The following SLC38A3 variants were observed in gnomAD, a reference collection of about 807,000 sequenced individuals.
SLC38A3 encodes solute carrier family 38 member 3.
In SLC38A3, 17 loss-of-function variants were observed where a neutral mutation model predicts 59.5. The observed-to-expected ratio is 0.29, with a 90% CI of 0.20 to 0.43. The LOEUF (loss-of-function observed/expected upper bound fraction) is 0.43. SLC38A3 is among the 20% of genes least tolerant of loss of function. The pLI is 1.00. For synonymous variants in SLC38A3, 238 were observed against 260.3 expected (o/e 0.91, Z 0.82); for missense variants, 454 against 653.9 (o/e 0.69, Z 3.33).
At chr3:50,209,648 CAA>C (rs113482440) in intron 1 of SLC38A3, among the ~76,000 whole-genome samples, 1 of 114,922 alleles carries the variant, frequency 8.7e-6, no homozygotes, top group Admixed American at 9.0e-5. Flanking sequence ...GACTCCGTCT[CAA>C]AAAAAAAAAA....
intron 1 of SLC38A3, among the ~76,000 whole-genome samples, chr3:50,213,579 C>T (rs1354763561): frequency 6.6e-6 from 1 of 152,226 alleles, no homozygotes; most frequent in Non-Finnish European, 1.5e-5. Flanking sequence ...ACAGAGGGCT[C>T]TTTGTTCTGG....
In SLC38A3 at chr3:50,207,947, C is replaced by T. The variant is rs896037658; in HGVS notation, c.-52+2599C>T. 4 of 152,384 alleles carry T rather than the reference C, an allele frequency of 2.6e-5. No individual in the cohort carries two copies. In the South Asian group the frequency reaches 8.3e-4, roughly 32 times the overall value. 9.4% of individuals were successfully genotyped at this position (152,384 alleles called of 1,614,324 possible). ...TCACTCCGACTGACCATCATCTCCA[C>T]ATGTATTTTCCATTGCTCAGGTAGA... On this transcript the variant is annotated intron_variant, in intron 1 of 15. Transcript: ENST00000614032.
Position 50,215,315 on chromosome 3 carries a change from C to T in SLC38A3, c.300-71C>T. ...CCTCCACCCCCAGGCCTCCCAGAGC[C>T]CCTCACCCTCTGCCAGCCACGGTAG... On this transcript the variant is annotated intron_variant, in intron 4 of 15. Coordinates refer to ENST00000614032, the MANE Select transcript of SLC38A3 (RefSeq NM_006841.6). This position sits in a 1 kb window ranked among gnomAD's most constrained non-coding sequence, Gnocchi z 7.1. 1.4e-6 allele frequency: 2 copies of T among 1,407,710 alleles called. No individual in the cohort carries two copies. Among genetic ancestry groups the T allele is most frequent in the Non-Finnish European group, 2.0e-6 (2 of 993,744 alleles). The allele number at this position is 1,407,710 out of a possible 1,614,324, so 87.2% of individuals were successfully genotyped here.
At position 50,218,609 on chromosome 3, in the gene SLC38A3, G is replaced by A; in HGVS notation, c.1053G>A (p.Glu351=). Residue 351 remains glutamate (E), a synonymous_variant, in exon 13 of 16, where the codon GAG becomes GAA. Coordinates refer to ENST00000614032, the MANE Select transcript of SLC38A3 (RefSeq NM_006841.6). The surrounding 1 kb of genome is among the most constrained non-coding windows in gnomAD (Gnocchi z 5.8). ...YLTFYNGVES[E]LLHTYSKVDP... ...CTGCCACAGACGGGGTGGAGTCGGA[G>A]CTGCTGCACACCTACAGCAAGGTGG... is the stretch of plus-strand genomic sequence containing the variant. 2 of 1,613,200 alleles carry A rather than the reference G, an allele frequency of 1.2e-6. No homozygotes were observed. The highest frequency in any genetic ancestry group is 1.7e-6 in the Non-Finnish European group (2 of 1,179,628).
rs1397555879 is a variant in SLC38A3, at chr3:50,217,922, A to G, written c.861A>G (p.Ala287=). The G allele has an allele frequency of 1.2e-6, 2 of 1,614,006 alleles. No individual in the cohort carries two copies. The highest frequency in any genetic ancestry group is 4.5e-5 in the East Asian group (2 of 44,886). ...ACAGCCCCGTGTTTCCCCAGACAGC[A>G]TACACCATCCCCATCATGGCCTTCG... is the stretch of plus-strand genomic sequence containing the variant. ...PSYFTLNSQT[A]YTIPIMAFAF... Residue 287 remains alanine, a synonymous_variant, in exon 11 of 16, where the codon GCA becomes GCG. Transcript: ENST00000614032. This position sits in a 1 kb window ranked among gnomAD's most constrained non-coding sequence, Gnocchi z 4.9.
rs969201812 is a variant in SLC38A3 at position 50,214,143 on chromosome 3, C to T, written c.-51-6C>T. ...GGGCTAACCAGAGGGACCGGCTGCT[C>T]TGCAGACATCTGACTGTTGGTGTGA... is the stretch of plus-strand genomic sequence containing the variant. On this transcript the variant is annotated splice_region_variant and splice_polypyrimidine_tract_variant and intron_variant, in intron 1 of 15. Coordinates refer to ENST00000614032, the MANE Select transcript of SLC38A3 (RefSeq NM_006841.6). This position sits in a 1 kb window ranked among gnomAD's most constrained non-coding sequence, Gnocchi z 6.0. 1.9e-6 allele frequency: 3 copies of T among 1,542,578 alleles called. No homozygotes were observed. Among genetic ancestry groups the T allele is most frequent in the Non-Finnish European group, 1.8e-6 (2 of 1,123,232 alleles).
Position 50,215,706 on chromosome 3 carries a change from C to G in SLC38A3, c.467-34C>G. 1 of 1,607,328 alleles carries G rather than the reference C, an allele frequency of 6.2e-7. No individual in the cohort carries two copies. On this transcript the variant is annotated intron_variant, in intron 6 of 15. Coordinates refer to ENST00000614032, the MANE Select transcript of SLC38A3 (RefSeq NM_006841.6). This position sits in a 1 kb window ranked among gnomAD's most constrained non-coding sequence, Gnocchi z 7.1. Reference sequence around the variant, plus strand: ...CTGAAAGCTGGCTGGTTGGGCTGACCTCAGCGCCTGCCTGCCCGCCCCTCT... The same window carrying G: ...CTGAAAGCTGGCTGGTTGGGCTGACGTCAGCGCCTGCCTGCCCGCCCCTCT...
rs1212267192 is a variant in SLC38A3, at chr3:50,220,934, G to A, written c.*757G>A. On this transcript the variant is annotated 3_prime_UTR_variant, in exon 16 of 16. Coordinates refer to ENST00000614032, the MANE Select transcript of SLC38A3 (RefSeq NM_006841.6). ...CCAGTGGCCACACTGGGATAGGGTG[G>A]GGAGGCTGGCAGCCCTCTTTTATAA... 1 of 152,704 alleles carries A rather than the reference G, an allele frequency of 6.5e-6. No homozygotes were observed. Among genetic ancestry groups the A allele is most frequent in the Non-Finnish European group, 1.5e-5 (1 of 68,134 alleles). The allele number at this position is 152,704 out of a possible 1,614,324, so 9.5% of individuals were successfully genotyped here.
intron 1 of SLC38A3, among the ~76,000 whole-genome samples, chr3:50,210,671 G>A (rs1699711980): frequency 6.6e-6 from 1 of 152,220 alleles, no homozygotes; most frequent in African/African-American, 2.4e-5. Context: ...CTCAACACCT[G>A]CCGAGGTGTG....
rs777713997 is a variant in SLC38A3, at chr3:50,214,494, C to T, written c.183+11C>T. 1.9e-5 allele frequency: 30 copies of T among 1,558,308 alleles called. No individual in the cohort carries two copies. The highest frequency in any genetic ancestry group is 2.6e-5 in the Non-Finnish European group (30 of 1,150,768). Reference sequence around the variant, plus strand: ...CCACACTTCACTGACGTGAGCAGGGCAGCAACGGGTTTTAGGGGACACTGT... The same window carrying T: ...CCACACTTCACTGACGTGAGCAGGGTAGCAACGGGTTTTAGGGGACACTGT... On this transcript the variant is annotated intron_variant, in intron 3 of 15. Transcript: ENST00000614032. The surrounding 1 kb of genome is among the most constrained non-coding windows in gnomAD (Gnocchi z 6.0).
At position 50,220,116 on chromosome 3, in the gene SLC38A3, G is replaced by A. The variant is rs1216581691; in HGVS notation, c.1454G>A (p.Ser485Asn). 2 of 1,606,690 alleles carry A rather than the reference G, an allele frequency of 1.2e-6. No homozygotes were observed. Among genetic ancestry groups the A allele is most frequent in the Non-Finnish European group, 1.7e-6 (2 of 1,176,142 alleles). ...AMLGFLLMTM[S>N]LSFIIIDWAS... ...CTTGGCTTCTTGCTGATGACCATGAGCTTGAGCTTCATCATCATTGACTGG... is the reference window on the plus strand; with the variant it reads ...CTTGGCTTCTTGCTGATGACCATGAACTTGAGCTTCATCATCATTGACTGG... Residue 485 changes from serine (S) to asparagine (N), a missense_variant, in exon 16 of 16, where the codon AGC (serine) becomes AAC (asparagine). Physicochemically the swap from Ser to Asn is conservative, Grantham distance 46 (BLOSUM62 1). Around this residue, in one of 3 missense-constraint regions of SLC38A3, gnomAD observed 59 missense variants for 70.8 expected, o/e 0.83. Transcript: ENST00000614032.
chr3:50,215,799 C>T lies in SLC38A3; in HGVS notation c.526C>T (p.Leu176=), dbSNP rs764664069. The T allele has an allele frequency of 4.4e-6, 7 of 1,588,204 alleles. No individual in the cohort carries two copies. The South Asian group carries it at 6.9e-5, about 16-fold the overall frequency. The change falls in exon 7 of 16, where the codon CTG becomes TTG. Residue 176 remains leucine, a synonymous_variant. Transcript: ENST00000614032. The surrounding 1 kb of genome is among the most constrained non-coding windows in gnomAD (Gnocchi z 7.1). ...SELPLVIQTF[L]NLEEKTSDWY... ...GCTGCCACTTGTCATACAGACCTTC[C>T]TGAACCTGGAGGAGAAAACCTCGTG...
In SLC38A3 at chr3:50,215,537, C is replaced by G; in HGVS notation, c.374-7C>G. 6.2e-7 allele frequency: 1 copy of G among 1,613,864 alleles called. No individual in the cohort carries two copies. The highest frequency in any genetic ancestry group is 8.5e-7 in the Non-Finnish European group (1 of 1,179,840). On this transcript the variant is annotated splice_polypyrimidine_tract_variant and splice_region_variant and intron_variant, in intron 5 of 15. Coordinates refer to ENST00000614032, the MANE Select transcript of SLC38A3 (RefSeq NM_006841.6). The surrounding 1 kb of genome is among the most constrained non-coding windows in gnomAD (Gnocchi z 7.1). ...AAGCTCCTGACTTCTTGACCCTGCT[C>G]CTGCAGGCATCCGTGCCTATGAGCA...
intron 15 of SLC38A3, 30 bp downstream of exon 15, chr3:50,220,014 G>T: frequency 6.2e-7 from 1 of 1,604,506 alleles, no homozygotes; most frequent in Non-Finnish European, 8.5e-7. Context: ...CGGTGGGCTG[G>T]TATGGGGCTA....
rs1699844892 is a variant in SLC38A3, at chr3:50,218,023, G to A, written c.935+27G>A. ...TAGGTGTCTGTGGCTGGGAGTGGGG[G>A]TGGGGATGCCCTGAGCTGGTTTGGG... On this transcript the variant is annotated intron_variant, in intron 11 of 15. Transcript: ENST00000614032. This position sits in a 1 kb window ranked among gnomAD's most constrained non-coding sequence, Gnocchi z 5.8. The A allele has an allele frequency of 6.2e-7, 1 of 1,608,106 alleles. No individual in the cohort carries two copies. Among genetic ancestry groups the A allele is most frequent in the East Asian group, 2.2e-5 (1 of 44,826 alleles).
Position 50,218,554 on chromosome 3 carries a change from C to T in SLC38A3, c.1037-39C>T, listed in dbSNP as rs915573083. On this transcript the variant is annotated intron_variant, in intron 12 of 15. Coordinates refer to ENST00000614032, the MANE Select transcript of SLC38A3 (RefSeq NM_006841.6). This position sits in a 1 kb window ranked among gnomAD's most constrained non-coding sequence, Gnocchi z 5.8. ...AGGCAGCTCAGATCCCACCTCCTTC[C>T]TGGGGCCACCTACTGACCACCCTCC... 2 of 1,601,172 alleles carry T rather than the reference C, an allele frequency of 1.2e-6. No homozygotes were observed. Among genetic ancestry groups the T allele is most frequent in the African/African-American group, 1.3e-5 (1 of 74,786 alleles).
Position 50,218,413 on chromosome 3 carries a change from G to A in SLC38A3, c.1036+43G>A. ...GGCAGAGGCCTAGGCTAGGCTGGGG[G>A]GAAGGGGCTGGTTGTGGCCATGGTG... On this transcript the variant is annotated intron_variant, in intron 12 of 15. Coordinates refer to ENST00000614032, the MANE Select transcript of SLC38A3 (RefSeq NM_006841.6). The surrounding 1 kb of genome is among the most constrained non-coding windows in gnomAD (Gnocchi z 5.8). 6.5e-7 allele frequency: 1 copy of A among 1,543,764 alleles called. No homozygotes were observed. Among genetic ancestry groups the A allele is most frequent in the Non-Finnish European group, 9.0e-7 (1 of 1,116,138 alleles).
intron 1 of SLC38A3, among the ~76,000 whole-genome samples, chr3:50,205,715 G>A (rs1699636255): frequency 6.6e-6 from 1 of 152,244 alleles, no homozygotes; most frequent in South Asian, 2.1e-4. Context: ...CTGAGGCAGG[G>A]CCCATGGGGC....
chr3:50,214,734 T>C lies in SLC38A3; in HGVS notation c.265T>C (p.Tyr89His). ...GGGCAGCGGCATCCTGGGACTCGCC[T>C]ATGCCATGGCCAATACGGGCATTAT... ...IMGSGILGLAYAMANTGIILF... is the reference protein window; with the variant it reads ...IMGSGILGLAHAMANTGIILF... Residue 89 changes from tyrosine (Y) to histidine (H), a missense_variant, in exon 4 of 16, where the codon TAT becomes CAT. By Grantham distance (83) the Tyr-to-His change is moderately conservative (BLOSUM62 2). Transcript: ENST00000614032. The surrounding 1 kb of genome is among the most constrained non-coding windows in gnomAD (Gnocchi z 6.0). 2 of 1,613,060 alleles carry C rather than the reference T, an allele frequency of 1.2e-6. No individual in the cohort carries two copies. The highest frequency in any genetic ancestry group is 1.7e-6 in the Non-Finnish European group (2 of 1,179,352).
Sources: gnomAD v4.1 joint callset for allele counts (sites outside exome capture counted in the v4.1 genomes callset) on GRCh38, gnomAD v4.1.1 for gene constraint, gnomAD v4.1.1 regional missense constraint, Gnocchi (gnomAD v3.1) non-coding constraint, MANE v1.5 for transcripts, NCBI Gene and HGNC (gene_info 2026-07-23, HGNC 2026-07-21) for gene names.